The following AFTPH variants were observed in gnomAD, a reference collection of about 807,000 sequenced individuals.
The protein encoded by AFTPH is aftiphilin protein.
AFTPH carries 7 observed loss-of-function variants against 72.5 expected under a neutral mutation model. The ratio of observed to expected loss-of-function variants is 0.10; its 90% CI spans 0.05 to 0.18. AFTPH has a LOEUF of 0.18. Among genes scored for constraint, AFTPH ranks in the 10% least tolerant of loss-of-function variants. AFTPH has a pLI of 1.00. For synonymous variants in AFTPH, 337 were observed against 370.1 expected, an observed-to-expected ratio of 0.91 and a Z score of 1.03; for missense variants, 979 against 1,060.5, an observed-to-expected ratio of 0.92 and a Z score of 1.07.
chr2:64,552,066 G>A, exon 2 of AFTPH: 1 of 1,613,992 alleles, frequency 6.2e-7, no homozygotes, highest in Non-Finnish European at 8.5e-7. Flanking sequence ...TCAGGGAACA[G>A]ATGATCTGGA....
At chr2:64,539,933 T>A (rs953996007) in intron 1 of AFTPH, among the ~76,000 whole-genome samples, 1 of 150,898 alleles carries the variant, frequency 6.6e-6, no homozygotes, top group Non-Finnish European at 1.5e-5. Flanking sequence ...GAGGATTCTG[T>A]TTTGTTTTGT....
intron 2 of AFTPH, among the ~76,000 whole-genome samples, chr2:64,559,703 G>A (rs946979002): frequency 3.3e-5 from 5 of 151,948 alleles, no homozygotes; most frequent in Admixed American, 6.6e-5. Flanking sequence ...ACATGTTTTC[G>A]CGTTCTTTGG....
At chr2:64,587,023 A>G (rs537087604) in intron 8 of AFTPH, among the ~76,000 whole-genome samples, 21 of 152,304 alleles carry the variant, frequency 1.4e-4, no homozygotes, top group Non-Finnish European at 2.8e-4. Flanking sequence ...CCAAAGAACT[A>G]TAGAAGTTTT....
chr2:64,590,716 T>C (rs1673779394), intron 8 of AFTPH, among the ~76,000 whole-genome samples: 1 of 152,246 alleles, frequency 6.6e-6, no homozygotes, highest in Admixed American at 6.5e-5. Flanking sequence ...CCTGATGCTT[T>C]TTCCCTTTTG....
intron 1 of AFTPH, among the ~76,000 whole-genome samples, chr2:64,530,519 C>T (rs1369760609): frequency 1.3e-5 from 2 of 152,022 alleles, no homozygotes; most frequent in East Asian, 1.9e-4. Flanking sequence ...ATGGCAGGAA[C>T]CCTTCTGTTT....
chr2:64,551,880 A>G, exon 2 of AFTPH: 4 of 1,613,842 alleles, frequency 2.5e-6, no homozygotes, highest in Non-Finnish European at 3.4e-6. Context: ...AAATTTAAAT[A>G]AAGTAGTGGA....
intron 8 of AFTPH, among the ~76,000 whole-genome samples, chr2:64,588,224 C>G (rs1673623229): frequency 6.6e-6 from 1 of 152,090 alleles, no homozygotes; most frequent in African/African-American, 2.4e-5. Context: ...CCTTTTGTGT[C>G]TCGGTTTTGC....
intron 4 of AFTPH, 30 bp downstream of exon 4, chr2:64,569,248 T>C (rs764249417): frequency 3.8e-6 from 6 of 1,590,468 alleles, no homozygotes; most frequent in Non-Finnish European, 5.1e-6. Context: ...GAAAAATCTT[T>C]TAATCAACCT....
chr2:64,563,016 T>C (rs966264656), intron 2 of AFTPH, among the ~76,000 whole-genome samples: 6 of 152,232 alleles, frequency 3.9e-5, no homozygotes, highest in African/African-American at 1.4e-4. Context: ...ATGCAACCTT[T>C]TTCTGCATTA....
chr2:64,574,747 C>A (rs1426123661), intron 6 of AFTPH, among the ~76,000 whole-genome samples: 1 of 152,224 alleles, frequency 6.6e-6, no homozygotes, highest in Non-Finnish European at 1.5e-5. Context: ...GGGCAGCAGA[C>A]AAAGTGGCTT....
chr2:64,574,170 A>T (rs539672919), intron 6 of AFTPH, among the ~76,000 whole-genome samples: 2 of 152,218 alleles, frequency 1.3e-5, no homozygotes, highest in Non-Finnish European at 2.9e-5. Context: ...TTAAGTGAAC[A>T]TTACCATTTC....
chr2:64,567,354 C>T (rs1233458112), intron 2 of AFTPH, among the ~76,000 whole-genome samples: 1 of 152,152 alleles, frequency 6.6e-6, no homozygotes, highest in African/African-American at 2.4e-5. Flanking sequence ...TAATTGCCAG[C>T]TACGTAGCTC....
At chr2:64,569,354 A>G in intron 4 of AFTPH, 136 bp downstream of exon 4, 1 of 1,205,056 alleles carries the variant, frequency 8.3e-7, no homozygotes, top group Middle Eastern at 2.2e-4. Context: ...ACTTATATTG[A>G]ATGTGCTGAC....
At chr2:64,538,492 T>G (rs1055685813) in intron 1 of AFTPH, among the ~76,000 whole-genome samples, 2 of 152,200 alleles carry the variant, frequency 1.3e-5, no homozygotes, top group Non-Finnish European at 2.9e-5. Flanking sequence ...GGAATGTGTT[T>G]ATATTTGATT....
At chr2:64,542,707 G>A (rs1350634923) in intron 1 of AFTPH, among the ~76,000 whole-genome samples, 1 of 151,742 alleles carries the variant, frequency 6.6e-6, no homozygotes, top group Non-Finnish European at 1.5e-5. Flanking sequence ...AGAAAAACTG[G>A]CAATAAAGTC....
At chr2:64,538,517 AGTTT>A (rs1044156861) in intron 1 of AFTPH, among the ~76,000 whole-genome samples, 1 of 152,172 alleles carries the variant, frequency 6.6e-6, no homozygotes, top group Admixed American at 6.5e-5. Flanking sequence ...AGATATATGA[AGTTT>A]GTTTTATAAT....
At position 64,569,036 on chromosome 2, in the gene AFTPH, C is replaced by T. The variant is rs540740913; in HGVS notation, c.2088-56C>T. 3.7e-6 allele frequency: 6 copies of T among 1,602,816 alleles called. No homozygotes were observed. In the African/African-American group the frequency reaches 8.0e-5, roughly 21 times the overall value. On this transcript the variant is annotated intron_variant, in intron 3 of 8. Transcript: ENST00000238856. Reference sequence around the variant, plus strand: ...TCACAGCCATATTATAAGTAGAACTCATGGTGAAAGTTATTGAGTAACCTG... The same window carrying T: ...TCACAGCCATATTATAAGTAGAACTTATGGTGAAAGTTATTGAGTAACCTG...
exon 2 of AFTPH, chr2:64,552,532 A>G: frequency 1.2e-6 from 2 of 1,614,090 alleles, no homozygotes; most frequent in Non-Finnish European, 1.7e-6. Context: ...GAACAATGTA[A>G]AACTGAAGAA....
At chr2:64,548,570 T>C (rs1670821183) in intron 1 of AFTPH, among the ~76,000 whole-genome samples, 1 of 152,162 alleles carries the variant, frequency 6.6e-6, no homozygotes, top group African/African-American at 2.4e-5. Flanking sequence ...AGTACAACCA[T>C]ATTGCCTTCT....
Sources: gnomAD v4.1 joint callset for allele counts (sites outside exome capture counted in the v4.1 genomes callset) on GRCh38, gnomAD v4.1.1 for gene constraint, MANE v1.5 for transcripts, NCBI Gene and HGNC (gene_info 2026-07-23, HGNC 2026-07-21) for gene names.